Variants in MAGT1 observed in about 807,000 individuals in gnomAD.
MAGT1 encodes the protein magnesium transporter 1, also known as dolichyl-diphosphooligosaccharide--protein glycosyltransferase subunit MAGT1.
Under a neutral mutation model 28.4 loss-of-function variants are expected in MAGT1, and 4 were observed. The observed-to-expected ratio is 0.14, with a 90% CI of 0.07 to 0.32. The LOEUF (loss-of-function observed/expected upper bound fraction) is 0.32. MAGT1 is among the 10% of genes least tolerant of loss of function. MAGT1 has a pLI of 1.00. For missense variants in MAGT1, 193 were observed against 264.5 expected (o/e 0.73, Z 1.88); for synonymous variants, 89 against 89.7 (o/e 0.99, Z 0.04).
Position 77,873,024 on chromosome X carries a change from A to G in MAGT1, c.273-2099T>C, listed in dbSNP as rs781927243. The stretch of plus-strand genomic sequence containing the variant: ...GTTAGTAAGAATTCCATTAATTTGC[A>G]TTTAATAGAGAATTATGAAGGAGTT... On this transcript the variant is annotated intron_variant, in intron 2 of 9. Coordinates refer to ENST00000618282, the MANE Select transcript of MAGT1 (RefSeq NM_001367916.1). Among the ~76,000 whole-genome samples, 20 of 112,300 alleles carry G rather than the reference A, an allele frequency of 1.8e-4. No homozygotes were observed. In the East Asian group the frequency reaches 5.3e-3, roughly 30 times the overall value.
At chrX:77,837,162 A>G (rs2076921086) in intron 8 of MAGT1, 2 of 111,562 alleles carry the variant, frequency 1.8e-5, no homozygotes, top group Admixed American at 9.7e-5. Context: ...TCCCAAGAAT[A>G]AACACTGAAA....
At chrX:77,857,647 T>C (rs782436723) in intron 3 of MAGT1, 150 bp from the exon 4 acceptor site, 2 of 653,589 alleles carry the variant, frequency 3.1e-6, no homozygotes, top group Non-Finnish European at 4.8e-6. Context: ...AAGTGGTAAG[T>C]GGTGGAGCAG....
chrX:77,829,399 C>T (rs2076891741), intron 9 of MAGT1, among the ~76,000 whole-genome samples, 164 bp from the exon 10 acceptor site: 1 of 112,267 alleles, frequency 8.9e-6, no homozygotes, highest in African/African-American at 3.2e-5. Flanking sequence ...CTGAGAGACC[C>T]GTTAGTCTTA....
chrX:77,882,501 G>A (rs1213748401), intron 1 of MAGT1, among the ~76,000 whole-genome samples: 3 of 111,670 alleles, frequency 2.7e-5, no homozygotes, highest in Non-Finnish European at 5.6e-5. Context: ...AGAAAAACAA[G>A]TGTGAAGCAG....
chrX:77,857,476 T>C lies in MAGT1; in HGVS notation c.412A>G (p.Thr138Ala), dbSNP rs1557216107. The C allele has an allele frequency of 4.1e-6, 5 of 1,211,833 alleles. No homozygotes were observed. Among genetic ancestry groups the C allele is most frequent in the South Asian group, 1.8e-5 (1 of 57,025 alleles). Residue 138 changes from threonine (T) to alanine (A), a missense_variant, in exon 4 of 10, where the codon ACT (threonine) becomes GCT (alanine). Coordinates refer to ENST00000618282, the MANE Select transcript of MAGT1 (RefSeq NM_001367916.1). ...FQMLNMNSAP[T>A]FINFPAKGKP... is the part of the protein sequence containing the mutation. Reference sequence around the variant, plus strand: ...CCTTTTGCAGGAAAGTTGATGAAAGTTGGAGCTGAATTCATGTTTAGCTGA... The same window carrying C: ...CCTTTTGCAGGAAAGTTGATGAAAGCTGGAGCTGAATTCATGTTTAGCTGA...
intron 3 of MAGT1, among the ~76,000 whole-genome samples, chrX:77,865,780 T>C (rs949297698): frequency 1.8e-5 from 2 of 112,023 alleles, no homozygotes; most frequent in Non-Finnish European, 3.8e-5. Flanking sequence ...AGGCTTAAAA[T>C]GTAAGCAGAA....
chrX:77,851,039 C>T (rs1307656280), intron 7 of MAGT1, among the ~76,000 whole-genome samples: 23 of 105,588 alleles, frequency 2.2e-4, no homozygotes, highest in African/African-American at 7.3e-4. Context: ...GTGGCAGTCT[C>T]GGCTTACTGC....
chrX:77,895,489 C>T, upstream of MAGT1: 2 of 1,175,351 alleles, frequency 1.7e-6, no homozygotes, highest in African/African-American at 1.8e-5. Flanking sequence ...GGCAAATCGG[C>T]CCCTTGCCTT....
At chrX:77,840,342 A>T (rs2076931531) in intron 8 of MAGT1, among the ~76,000 whole-genome samples, 1 of 109,068 alleles carries the variant, frequency 9.2e-6, no homozygotes, top group African/African-American at 3.3e-5. Flanking sequence ...AGGCTGAGGC[A>T]GGAGAATCAC....
intron 3 of MAGT1, among the ~76,000 whole-genome samples, chrX:77,864,703 A>G (rs1557216725): frequency 1.3e-5 from 1 of 77,228 alleles, no homozygotes; most frequent in African/African-American, 3.4e-5. Context: ...GTAGAGAATT[A>G]AAAAGCAATT....
At chrX:77,845,940 T>C (rs979955106) in intron 7 of MAGT1, among the ~76,000 whole-genome samples, 2 of 111,169 alleles carry the variant, frequency 1.8e-5, no homozygotes, top group African/African-American at 6.6e-5. Flanking sequence ...GAGGAATATC[T>C]TTGTGGCGTT....
Position 77,828,917 on chromosome X carries a change from C to G in MAGT1, c.*303G>C. ...AAAGTAGTTTTGAGCTTTGTTCTAA[C>G]TAAAACAAAGTAGTAGTTTTACAAT... is the stretch of plus-strand genomic sequence containing the variant. On this transcript the variant is annotated 3_prime_UTR_variant, in exon 10 of 10. Coordinates refer to ENST00000618282, the MANE Select transcript of MAGT1 (RefSeq NM_001367916.1). The G allele has an allele frequency of 4.9e-6, 1 of 204,330 alleles. No individual in the cohort carries two copies. Among genetic ancestry groups the G allele is most frequent in the Non-Finnish European group, 8.9e-6 (1 of 111,921 alleles). 16.8% of individuals were successfully genotyped at this position (204,330 alleles called of 1,213,427 possible).
At chrX:77,873,608 T>C (rs2077025554) in intron 2 of MAGT1, among the ~76,000 whole-genome samples, 1 of 111,893 alleles carries the variant, frequency 8.9e-6, no homozygotes, top group African/African-American at 3.2e-5. Flanking sequence ...GAAACCATTG[T>C]TTGATGAAAA....
intron 2 of MAGT1, among the ~76,000 whole-genome samples, chrX:77,872,038 C>T (rs2077021720): frequency 9.2e-6 from 1 of 109,149 alleles, no homozygotes. Context: ...TCTGGTTTCT[C>T]CTCCTTCAAT....
chrX:77,875,511 G>A lies in MAGT1; in HGVS notation c.189C>T (p.Arg63=). The A allele has an allele frequency of 1.7e-6, 2 of 1,203,951 alleles. No homozygotes were observed. Among genetic ancestry groups the A allele is most frequent in the Non-Finnish European group, 1.1e-6 (1 of 891,546 alleles). The change falls in exon 2 of 10, where the codon CGC becomes CGT. Residue 63 remains arginine (R), a synonymous_variant. Coordinates refer to ENST00000618282, the MANE Select transcript of MAGT1 (RefSeq NM_001367916.1). ...VIRMNGDKFR[R]LVKAPPRNYS... ...AATTTCTCGGTGGGGCTTTCACAAGGCGACGGAACTTGTCTCCATTCATTC... is the reference window on the plus strand; with the variant it reads ...AATTTCTCGGTGGGGCTTTCACAAGACGACGGAACTTGTCTCCATTCATTC...
intron 3 of MAGT1, among the ~76,000 whole-genome samples, chrX:77,861,507 A>G (rs1377204851): frequency 8.9e-6 from 1 of 112,109 alleles, no homozygotes; most frequent in Non-Finnish European, 1.9e-5. Flanking sequence ...CCAAAAGATT[A>G]AAAATAGAAT....
chrX:77,835,577 C>T (rs1387251858), intron 8 of MAGT1, among the ~76,000 whole-genome samples: 5 of 111,461 alleles, frequency 4.5e-5, no homozygotes, highest in Non-Finnish European at 9.4e-5. Flanking sequence ...TCCAGCAATC[C>T]CACTGCTTGG....
At chrX:77,864,516 C>G (rs2077003513) in intron 3 of MAGT1, among the ~76,000 whole-genome samples, 1 of 110,814 alleles carries the variant, frequency 9.0e-6, no homozygotes, top group African/African-American at 3.3e-5. Flanking sequence ...ATGAATCTAA[C>G]AAAATATCAC....
chrX:77,830,455 A>G (rs1049322620), intron 9 of MAGT1, among the ~76,000 whole-genome samples: 27 of 110,671 alleles, frequency 2.4e-4, no homozygotes, highest in Non-Finnish European at 1.1e-4. Flanking sequence ...GTTTCTACTA[A>G]AAATACAAAA....
Sources: gnomAD v4.1 joint callset for allele counts (sites outside exome capture counted in the v4.1 genomes callset) on GRCh38, gnomAD v4.1.1 for gene constraint, MANE v1.5 for transcripts, NCBI Gene and HGNC (gene_info 2026-07-23, HGNC 2026-07-21) for gene names.